Variants in TSPOAP1 observed in about 807,000 individuals in gnomAD.
TSPOAP1 encodes TSPO associated protein 1, also known as peripheral-type benzodiazepine receptor-associated protein 1.
TSPOAP1 carries 87 observed loss-of-function variants against 197.0 expected under a neutral mutation model. The observed-to-expected ratio is 0.44, with a 90% CI of 0.37 to 0.53. TSPOAP1 has a LOEUF of 0.53. Ranked by LOEUF, TSPOAP1 falls within the 20% of genes least tolerant of loss-of-function variation. The probability of loss-of-function intolerance (pLI) is 0.00; values close to 1 mark genes in which losing one functional copy is unlikely to be tolerated. For synonymous variants in TSPOAP1, 913 were observed against 998.9 expected, an observed-to-expected ratio of 0.91 and a Z score of 1.62; for missense variants, 2,174 against 2,411.3, an observed-to-expected ratio of 0.90 and a Z score of 2.06.
In TSPOAP1 at chr17:58,307,889, G is replaced by C; in HGVS notation, c.4784C>G (p.Pro1595Arg). The C allele has an allele frequency of 6.2e-7, 1 of 1,613,558 alleles. No homozygotes were observed. Among genetic ancestry groups the C allele is most frequent in the Non-Finnish European group, 8.5e-7 (1 of 1,180,022 alleles). ...RGQDGSGRRGPQKRGVRVLRP... is the reference protein window; with the variant it reads ...RGQDGSGRRGRQKRGVRVLRP... Reference sequence around the variant, plus strand: ...GAGGACTCGGACACCTCTCTTCTGGGGGCCCCTCCGCCCAGAGCCGTCCTG... The same window carrying C: ...GAGGACTCGGACACCTCTCTTCTGGCGGCCCCTCCGCCCAGAGCCGTCCTG... Residue 1595 changes from proline to arginine, a missense_variant, in exon 23 of 32, where the codon CCC becomes CGC. By Grantham distance (103) the Pro-to-Arg change is moderately radical (BLOSUM62 -2). This residue lies in a region of TSPOAP1 where 1,933 missense variants were observed against 2,139.0 expected (regional missense o/e 0.90). Transcript: ENST00000343736.
rs2143164819 is a variant in TSPOAP1, at chr17:58,326,923, C to T, written c.334-133G>A. On this transcript the variant is annotated intron_variant, in intron 1 of 31. Coordinates refer to ENST00000343736, the MANE Select transcript of TSPOAP1 (RefSeq NM_004758.4). This position sits in a 1 kb window ranked among gnomAD's most constrained non-coding sequence, Gnocchi z 4.7. ...GAAACGGTTTCCCCTATGTCCCAGG[C>T]CTTCAGAGAGGAGCAGAGGAGGCCT... 1.3e-6 allele frequency: 1 copy of T among 749,842 alleles called. No individual in the cohort carries two copies. The highest frequency in any genetic ancestry group is 2.7e-5 in the East Asian group (1 of 37,238). 46.4% of individuals were successfully genotyped at this position (749,842 alleles called of 1,614,324 possible).
intron 18 of TSPOAP1, 153 bp downstream of exon 18, chr17:58,311,418 T>A: frequency 7.9e-7 from 1 of 1,267,926 alleles, no homozygotes; most frequent in Non-Finnish European, 1.1e-6. Context: ...ATCTGTCATG[T>A]GCTGCCAAAG....
Position 58,318,436 on chromosome 17 carries a change from C to T in TSPOAP1, c.1716G>A (p.Pro572=), listed in dbSNP as rs540336644. The T allele has an allele frequency of 4.3e-6, 7 of 1,613,020 alleles. No individual in the cohort carries two copies. Among genetic ancestry groups the T allele is most frequent in the African/African-American group, 4.0e-5 (3 of 74,838 alleles). Residue 572 remains proline, a synonymous_variant, in exon 14 of 32, where the codon CCG becomes CCA. Transcript: ENST00000343736. Reference sequence around the variant, plus strand: ...TTGGGGTGCAGCGCCCAGGGGAGCCCGGCGGGAGGTCAAGGTCTAAAGAGA... The same window carrying T: ...TTGGGGTGCAGCGCCCAGGGGAGCCTGGCGGGAGGTCAAGGTCTAAAGAGA... ...GSGPKDLDLP[P]GSPGRCTPKS...
In TSPOAP1 at chr17:58,324,880, C is replaced by G; in HGVS notation, c.873G>C (p.Pro291=). ...GAGCAGGGCCCGGGGGCCAGGACGG[C>G]GGGAGCGGGAGCGTCTCCCGCTGGT... is the stretch of plus-strand genomic sequence containing the variant. ...LRNQRETLPL[P]PSWPPGPALQ... Residue 291 remains proline, a synonymous_variant, in exon 5 of 32, where the codon CCG becomes CCC. Coordinates refer to ENST00000343736, the MANE Select transcript of TSPOAP1 (RefSeq NM_004758.4). This position sits in a 1 kb window ranked among gnomAD's most constrained non-coding sequence, Gnocchi z 5.8. 1 of 1,531,502 alleles carries G rather than the reference C, an allele frequency of 6.5e-7. No homozygotes were observed. Among genetic ancestry groups the G allele is most frequent in the South Asian group, 1.2e-5 (1 of 83,784 alleles). The allele number at this position is 1,531,502 out of a possible 1,614,324, so 94.9% of individuals were successfully genotyped here.
chr17:58,319,980 G>T, intron 12 of TSPOAP1, 129 bp downstream of exon 12: 1 of 1,254,528 alleles, frequency 8.0e-7, no homozygotes, highest in Non-Finnish European at 1.2e-6. Flanking sequence ...ACCCCCTATG[G>T]ATTCTCATGC....
At chr17:58,321,241 C>T (rs1368095638) in intron 10 of TSPOAP1, among the ~76,000 whole-genome samples, 9 of 152,102 alleles carry the variant, frequency 5.9e-5, no homozygotes, top group Non-Finnish European at 2.9e-5. Context: ...AAGGTTTATA[C>T]AGCAAATGGC....
Position 58,311,098 on chromosome 17 carries a change from G to A in TSPOAP1, c.3197C>T (p.Ser1066Leu), listed in dbSNP as rs1413205236. The change falls in exon 19 of 32, where the codon TCG becomes TTG. Residue 1066 changes from serine to leucine, a missense_variant. This residue lies in a region of TSPOAP1 where 1,933 missense variants were observed against 2,139.0 expected (regional missense o/e 0.90). Coordinates refer to ENST00000343736, the MANE Select transcript of TSPOAP1 (RefSeq NM_004758.4). The stretch of plus-strand genomic sequence containing the variant: ...GATAGGAGCCGGGATGGAGTCCGCC[G>A]ACTCCCCGTGGGGCGACATGGTGCG... ...VVRTMSPHGE[S>L]ADSIPAPITP... 6.3e-7 allele frequency: 1 copy of A among 1,590,054 alleles called. No homozygotes were observed. Among genetic ancestry groups the A allele is most frequent in the South Asian group, 1.1e-5 (1 of 88,162 alleles).
At position 58,314,055 on chromosome 17, in the gene TSPOAP1, G is replaced by A. The variant is rs570647571; in HGVS notation, c.2099-1333C>T. 2.0e-5 allele frequency among the ~76,000 whole-genome samples: 3 copies of A among 152,326 alleles called. No homozygotes were observed. In the South Asian group the frequency reaches 6.2e-4, roughly 32 times the overall value. ...AGGAAACAGACAGCTGGTAGCTGGT[G>A]TGCTTTATTGAGAGGAAGGGGGAGC... On this transcript the variant is annotated intron_variant, in intron 16 of 31. Transcript: ENST00000343736.
chr17:58,312,543 C>T lies in TSPOAP1; in HGVS notation c.2278G>A (p.Val760Met). ...GGSSSGGQSS[V>M]GRSQPRPEEE... ...TCAGGTCTGGGCTGGCTCCTTCCCA[C>T]ACTGCTTTGGCCCCCGCTACTGCTG... The change falls in exon 17 of 32, where the codon GTG becomes ATG. Residue 760 changes from valine (V) to methionine (M), a missense_variant. Around this residue, in one of 5 missense-constraint regions of TSPOAP1, gnomAD observed 1,933 missense variants for 2,139.0 expected, o/e 0.90. Transcript: ENST00000343736. 6.2e-7 allele frequency: 1 copy of T among 1,606,022 alleles called. No individual in the cohort carries two copies. Among genetic ancestry groups the T allele is most frequent in the Non-Finnish European group, 8.5e-7 (1 of 1,176,068 alleles).
At position 58,322,512 on chromosome 17, in the gene TSPOAP1, C is replaced by T; in HGVS notation, c.1318-100G>A. On this transcript the variant is annotated intron_variant, in intron 9 of 31. Transcript: ENST00000343736. This position sits in a 1 kb window ranked among gnomAD's most constrained non-coding sequence, Gnocchi z 5.0. ...CTCAAACACCATTTGCTCCAGATTC[C>T]TCTATTACAAAGGAAACTGAGCCTG... is the stretch of plus-strand genomic sequence containing the variant. 1.3e-6 allele frequency: 2 copies of T among 1,549,550 alleles called. No homozygotes were observed. The highest frequency in any genetic ancestry group is 1.7e-6 in the Non-Finnish European group (2 of 1,148,488).
chr17:58,322,848 G>A lies in TSPOAP1; in HGVS notation c.1195-72C>T, dbSNP rs1971444024. 7 of 1,606,362 alleles carry A rather than the reference G, an allele frequency of 4.4e-6. No individual in the cohort carries two copies. Among genetic ancestry groups the A allele is most frequent in the Non-Finnish European group, 6.0e-6 (7 of 1,175,408 alleles). On this transcript the variant is annotated intron_variant, in intron 8 of 31. Coordinates refer to ENST00000343736, the MANE Select transcript of TSPOAP1 (RefSeq NM_004758.4). This position sits in a 1 kb window ranked among gnomAD's most constrained non-coding sequence, Gnocchi z 5.0. ...CACCAGCACCCTCACAGGGGGAACA[G>A]TACCCTACCCCTGCTCAGGGGTGGA...
intron 14 of TSPOAP1, 116 bp from the exon 15 acceptor site, chr17:58,316,656 A>G (rs1971245949): frequency 5.5e-6 from 4 of 721,262 alleles, no homozygotes; most frequent in Non-Finnish European, 9.1e-6. Flanking sequence ...AAATGAGCAC[A>G]TACATGCTGC....
Position 58,304,578 on chromosome 17 carries a change from C to G in TSPOAP1, c.5545-179G>C. 1.6e-6 allele frequency: 1 copy of G among 620,004 alleles called. No individual in the cohort carries two copies. The highest frequency in any genetic ancestry group is 1.9e-5 in the South Asian group (1 of 51,394). 38.4% of individuals were successfully genotyped at this position (620,004 alleles called of 1,614,324 possible). A position where few individuals can be genotyped will look rare whatever the true frequency, so the allele number is the denominator to read the frequency against. Reference sequence around the variant, plus strand: ...CCTCTTCACCCTCTCTCCCTGCCCTCTGAGAGTGGAGGCTTAGTTGTATTC... The same window carrying G: ...CCTCTTCACCCTCTCTCCCTGCCCTGTGAGAGTGGAGGCTTAGTTGTATTC... On this transcript the variant is annotated intron_variant, in intron 30 of 31. Coordinates refer to ENST00000343736, the MANE Select transcript of TSPOAP1 (RefSeq NM_004758.4). This position sits in a 1 kb window ranked among gnomAD's most constrained non-coding sequence, Gnocchi z 4.2.
rs1375912560 is a variant in TSPOAP1 at position 58,319,084 on chromosome 17, C to A, written c.1699+6G>T. The A allele has an allele frequency of 7.9e-6, 12 of 1,522,108 alleles. No individual in the cohort carries two copies. Among genetic ancestry groups the A allele is most frequent in the Non-Finnish European group, 1.1e-5 (12 of 1,127,452 alleles). 94.3% of individuals were successfully genotyped at this position (1,522,108 alleles called of 1,614,324 possible). On this transcript the variant is annotated splice_donor_region_variant and intron_variant, in intron 13 of 31. Coordinates refer to ENST00000343736, the MANE Select transcript of TSPOAP1 (RefSeq NM_004758.4). The stretch of plus-strand genomic sequence containing the variant: ...TCCAGGCCAATGCCACTGGGGTCCA[C>A]CTTACCTTTGGGGCCAGACCCCCGG...
Position 58,305,864 on chromosome 17 carries a change from A to G in TSPOAP1, c.5226T>C (p.Ala1742=). The G allele has an allele frequency of 6.2e-7, 1 of 1,612,416 alleles. No homozygotes were observed. The highest frequency in any genetic ancestry group is 1.3e-5 in the African/African-American group (1 of 74,998). ...AGGGCTGGGCAGGGCCTTCCGACTCAGCTGTGGAAAGAATGTGCCTGTGAG... is the reference window on the plus strand; with the variant it reads ...AGGGCTGGGCAGGGCCTTCCGACTCGGCTGTGGAAAGAATGTGCCTGTGAG... ...PPPKPRRSKK[A]ESEGPAQPCP... is the part of the protein sequence containing the mutation. The change falls in exon 27 of 32, where the codon GCT becomes GCC. Residue 1742 remains alanine (A), a splice_region_variant and synonymous_variant. Coordinates refer to ENST00000343736, the MANE Select transcript of TSPOAP1 (RefSeq NM_004758.4).
chr17:58,308,414 C>A, intron 22 of TSPOAP1, 127 bp downstream of exon 22: 1 of 1,391,500 alleles, frequency 7.2e-7, no homozygotes, highest in East Asian at 2.4e-5. Flanking sequence ...TGAGGGAGCC[C>A]GGAGGCCCGG....
rs755049141 is a variant in TSPOAP1, at chr17:58,305,651, G to C, written c.5258-8C>G. ...GGACCAGCTTAGGGGGGCCTGCAGG[G>C]GGAGTAGGAGAAGACTCTGGACTCT... On this transcript the variant is annotated splice_region_variant and splice_polypyrimidine_tract_variant and intron_variant, in intron 27 of 31. Coordinates refer to ENST00000343736, the MANE Select transcript of TSPOAP1 (RefSeq NM_004758.4). 2.1e-6 allele frequency: 3 copies of C among 1,455,576 alleles called. No individual in the cohort carries two copies. Among genetic ancestry groups the C allele is most frequent in the Non-Finnish European group, 2.8e-6 (3 of 1,070,224 alleles). The allele number at this position is 1,455,576 out of a possible 1,614,324, so 90.2% of individuals were successfully genotyped here.
At chr17:58,325,884 C>T (rs1334294285) in intron 3 of TSPOAP1, among the ~76,000 whole-genome samples, 171 bp from the exon 4 acceptor site, 1 of 152,156 alleles carries the variant, frequency 6.6e-6, no homozygotes, top group Non-Finnish European at 1.5e-5. Flanking sequence ...CCCATCCCAG[C>T]AGTTGGAAAG....
intron 12 of TSPOAP1, 101 bp downstream of exon 12, chr17:58,320,008 C>T: frequency 6.8e-7 from 1 of 1,466,326 alleles, no homozygotes; most frequent in African/African-American, 1.4e-5. Flanking sequence ...CAGTGACACC[C>T]CCTCTGCTGG....
Sources: gnomAD v4.1 joint callset for allele counts (sites outside exome capture counted in the v4.1 genomes callset) on GRCh38, gnomAD v4.1.1 for gene constraint, gnomAD v4.1.1 regional missense constraint, Gnocchi (gnomAD v3.1) non-coding constraint, MANE v1.5 for transcripts, NCBI Gene and HGNC (gene_info 2026-07-23, HGNC 2026-07-21) for gene names.